The following BDNF variants were observed in gnomAD, a reference collection of about 807,000 sequenced individuals.
BDNF encodes the protein brain derived neurotrophic factor, also known as neurotrophic factor BDNF precursor form.
A neutral mutation model predicts 19.5 loss-of-function variants in BDNF; 1 was observed. The observed-to-expected ratio is 0.05, with a 90% CI of 0.02 to 0.24. BDNF has a LOEUF of 0.24. Among genes scored for constraint, BDNF ranks in the 10% least tolerant of loss-of-function variants. BDNF has a pLI of 1.00. For synonymous variants in BDNF, 100 were observed against 121.6 expected (o/e 0.82, Z 1.17); for missense variants, 195 against 317.6 (o/e 0.61, Z 2.93).
At chr11:27,679,116 C>G (rs1023618038) in intron 1 of BDNF, among the ~76,000 whole-genome samples, 2 of 152,198 alleles carry the variant, frequency 1.3e-5, no homozygotes, top group African/African-American at 4.8e-5. Flanking sequence ...CTAGTTCCAG[C>G]TGGGTCTCAG....
chr11:27,668,154 G>A (rs1028074416), intron 1 of BDNF, among the ~76,000 whole-genome samples: 6 of 152,314 alleles, frequency 3.9e-5, no homozygotes, highest in Middle Eastern at 3.4e-3. Context: ...TGAGCAACCT[G>A]CTCCTGAGTG....
At chr11:27,670,567 A>T (rs1590292255) in intron 1 of BDNF, among the ~76,000 whole-genome samples, 1 of 152,184 alleles carries the variant, frequency 6.6e-6, no homozygotes, top group Admixed American at 6.5e-5. Context: ...TACAAGAAAA[A>T]ATCAAATGAC....
At chr11:27,709,875 T>C (rs1860259749) in intron 1 of BDNF, among the ~76,000 whole-genome samples, 1 of 152,232 alleles carries the variant, frequency 6.6e-6, no homozygotes, top group Non-Finnish European at 1.5e-5. Flanking sequence ...TTTAGGTGAT[T>C]TCAATGCATG....
intron 1 of BDNF, among the ~76,000 whole-genome samples, chr11:27,687,006 A>G (rs956850984): frequency 9.2e-5 from 14 of 152,160 alleles, no homozygotes; most frequent in African/African-American, 2.9e-4. Context: ...GTGTTTTCCA[A>G]CTTGGTTCCA....
intron 1 of BDNF, chr11:27,697,698 T>G (rs2134063924): frequency 6.6e-6 from 1 of 152,300 alleles, no homozygotes. Flanking sequence ...TCCTAAATGC[T>G]TCATTTTCTG....
intron 1 of BDNF, among the ~76,000 whole-genome samples, chr11:27,682,104 C>G (rs965340019): frequency 6.6e-6 from 1 of 152,086 alleles, no homozygotes; most frequent in South Asian, 2.1e-4. Flanking sequence ...CTTCTAGCCA[C>G]GCTCTAATGC....
At chr11:27,700,932 T>G, upstream of BDNF, 1 of 1,344,436 alleles carries the variant, frequency 7.4e-7, no homozygotes, top group South Asian at 1.2e-5. Context: ...ACCCAAGTTC[T>G]CTGGGAGAGG....
intron 1 of BDNF, among the ~76,000 whole-genome samples, chr11:27,710,322 T>C (rs946031586): frequency 6.6e-6 from 1 of 152,182 alleles, no homozygotes; most frequent in Non-Finnish European, 1.5e-5. Context: ...AGGTGCTCTC[T>C]AGGAGGAAGA....
intron 1 of BDNF, chr11:27,699,728 G>T: frequency 7.4e-7 from 1 of 1,358,484 alleles, no homozygotes; most frequent in Non-Finnish European, 9.5e-7. Flanking sequence ...CCCCCCGCAA[G>T]TCGGCGCGGG....
At chr11:27,670,865 T>C (rs1738293438) in intron 1 of BDNF, among the ~76,000 whole-genome samples, 1 of 152,216 alleles carries the variant, frequency 6.6e-6, no homozygotes, top group African/African-American at 2.4e-5. Context: ...CTCTAGGATC[T>C]AGAACTAGAA....
intron 1 of BDNF, chr11:27,675,786 C>T (rs1190755242): frequency 2.0e-5 from 3 of 151,790 alleles, no homozygotes; most frequent in Non-Finnish European, 4.4e-5. Context: ...ACAGATGGTC[C>T]GGCATGGATA....
chr11:27,673,016 A>G (rs1044936592), intron 1 of BDNF, among the ~76,000 whole-genome samples: 2 of 152,148 alleles, frequency 1.3e-5, no homozygotes, highest in African/African-American at 4.8e-5. Context: ...CTGTTAAGTC[A>G]TTTGCAAATG....
In BDNF at chr11:27,655,208, C is replaced by T. The variant is rs1852409906; in HGVS notation, c.*2613G>A. On this transcript the variant is annotated 3_prime_UTR_variant, in exon 2 of 2. Transcript: ENST00000356660. ...TGCTGCCATGCATGAAACACTTCTG[C>T]CACAAAGAGACCACAGCAAGACTTT... is the stretch of plus-strand genomic sequence containing the variant. 1 of 152,376 alleles carries T rather than the reference C, an allele frequency of 6.6e-6. No individual in the cohort carries two copies. The highest frequency in any genetic ancestry group is 1.5e-5 in the Non-Finnish European group (1 of 68,022). The allele number at this position is 152,376 out of a possible 1,614,324, so 9.4% of individuals were successfully genotyped here. A position where few individuals can be genotyped will look rare whatever the true frequency, so the allele number is the denominator to read the frequency against.
chr11:27,660,901 C>T (rs1853353963), intron 1 of BDNF, among the ~76,000 whole-genome samples: 1 of 152,070 alleles, frequency 6.6e-6, no homozygotes, highest in Admixed American at 6.5e-5. Context: ...TTGTTTTCAC[C>T]ACTACAGTAA....
intron 1 of BDNF, among the ~76,000 whole-genome samples, chr11:27,715,710 C>T (rs1374907486): frequency 6.6e-6 from 1 of 152,122 alleles, no homozygotes; most frequent in African/African-American, 2.4e-5. Context: ...CACAAATTTC[C>T]TTAAAATTTG....
upstream of BDNF, among the ~76,000 whole-genome samples, chr11:27,705,033 A>G (rs1325145366): frequency 6.6e-6 from 1 of 152,194 alleles, no homozygotes; most frequent in Admixed American, 6.5e-5. Flanking sequence ...TGGGAATAAT[A>G]TTTAGTTGGA....
At chr11:27,672,202 A>G (rs1379387371) in intron 1 of BDNF, among the ~76,000 whole-genome samples, 3 of 152,194 alleles carry the variant, frequency 2.0e-5, no homozygotes, top group Admixed American at 6.5e-5. Flanking sequence ...GATTAGTTCA[A>G]TGAGAACTTT....
chr11:27,715,855 C>A (rs1860488771), intron 1 of BDNF, among the ~76,000 whole-genome samples: 1 of 152,016 alleles, frequency 6.6e-6, no homozygotes. Context: ...TCAAATGAAA[C>A]CTATAGAGAG....
chr11:27,686,066 A>G (rs1857440000), intron 1 of BDNF, among the ~76,000 whole-genome samples: 1 of 152,164 alleles, frequency 6.6e-6, no homozygotes, highest in Non-Finnish European at 1.5e-5. Context: ...TTGCTTTATG[A>G]ATCTGGGTGC....
Sources: allele counts gnomAD v4.1 joint callset (sites outside exome capture counted in the v4.1 genomes callset), GRCh38; gene constraint gnomAD v4.1.1; transcripts MANE v1.5; gene names NCBI Gene and HGNC (gene_info 2026-07-23, HGNC 2026-07-21).